EDIL3: variants seen among roughly 807,000 people sequenced by gnomAD.
The protein encoded by EDIL3 is EGF-like repeat and discoidin I-like domain-containing protein 3.
A neutral mutation model predicts 67.4 loss-of-function variants in EDIL3; 37 were observed. The observed-to-expected ratio is 0.55, with a 90% CI of 0.42 to 0.72. EDIL3 has a LOEUF of 0.72. EDIL3 is among the 30% of genes least tolerant of loss of function. EDIL3 has a pLI of 0.00. For synonymous variants in EDIL3, 195 were observed against 196.3 expected (o/e 0.99, Z 0.05); for missense variants, 527 against 586.3 (o/e 0.90, Z 1.04).
At chr5:84,133,347 G>A (rs570060896) in intron 5 of EDIL3, among the ~76,000 whole-genome samples, 14 of 151,620 alleles carry the variant, frequency 9.2e-5, no homozygotes, top group Admixed American at 1.3e-4. Flanking sequence ...GAGGGTCTGC[G>A]CGCAGTAGCT....
intron 9 of EDIL3, among the ~76,000 whole-genome samples, chr5:83,984,992 A>T (rs903676995): frequency 6.6e-6 from 1 of 151,780 alleles, no homozygotes; most frequent in African/African-American, 2.4e-5. Context: ...ATAAACATGC[A>T]CGCTGAACAA....
intron 10 of EDIL3, among the ~76,000 whole-genome samples, chr5:83,946,580 T>A (rs1744313583): frequency 6.6e-6 from 1 of 151,862 alleles, no homozygotes; most frequent in African/African-American, 2.4e-5. Context: ...GGAGAGAATA[T>A]CAGATAAAAT....
intron 2 of EDIL3, among the ~76,000 whole-genome samples, chr5:84,230,261 A>T (rs571838842): frequency 1.3e-5 from 2 of 152,284 alleles, no homozygotes; most frequent in South Asian, 4.1e-4. Flanking sequence ...GATTGTATAT[A>T]ACATAGAGCT....
chr5:83,967,926 T>C (rs955364794), intron 9 of EDIL3, among the ~76,000 whole-genome samples: 16 of 152,144 alleles, frequency 1.1e-4, no homozygotes, highest in African/African-American at 3.6e-4. Flanking sequence ...TTATTCTGAA[T>C]TGTGTATTTT....
intron 9 of EDIL3, among the ~76,000 whole-genome samples, chr5:83,997,963 G>A (rs911649432): frequency 3.3e-5 from 5 of 152,098 alleles, no homozygotes; most frequent in Non-Finnish European, 7.4e-5. Context: ...GAGGGAAATC[G>A]CCCATCCAGC....
rs1744250237 is a variant in EDIL3 at position 83,942,917 on chromosome 5, T to C, written c.*502A>G. The C allele has an allele frequency of 1.3e-5, 2 of 157,514 alleles. No homozygotes were observed. The highest frequency in any genetic ancestry group is 6.1e-5 in the Admixed American group (1 of 16,474). The allele number at this position is 157,514 out of a possible 1,614,324, so 9.8% of individuals were successfully genotyped here. ...TGTTACATATTCTTCTTTAAAATTT[T>C]GTAATAAACATTGACAGTGTTTGGT... On this transcript the variant is annotated 3_prime_UTR_variant, in exon 11 of 11. Transcript: ENST00000296591.
intron 3 of EDIL3, among the ~76,000 whole-genome samples, chr5:84,182,729 T>C (rs149378): frequency 0.45 from 69,009 of 151,852 alleles, 16,058 homozygotes; most frequent in East Asian, 0.73. Context: ...GGAAACAATG[T>C]GGCAACTGTA....
At chr5:83,959,081 T>C (rs1744562256) in intron 10 of EDIL3, among the ~76,000 whole-genome samples, 2 of 150,834 alleles carry the variant, frequency 1.3e-5, no homozygotes, top group South Asian at 4.2e-4. Context: ...ATTCAAAAAC[T>C]GACATCTCAA....
intron 1 of EDIL3, among the ~76,000 whole-genome samples, chr5:84,303,806 C>CTGTGTGTG (rs1268139374): frequency 2.0e-5 from 2 of 101,334 alleles, no homozygotes; most frequent in African/African-American, 6.8e-5. Context: ...CTCTCTCTCT[C>CTGTGTGTG]TCTGTGTGTG....
chr5:84,223,395 GATTA>G (rs78657576), intron 3 of EDIL3, among the ~76,000 whole-genome samples: 2,046 of 151,662 alleles, frequency 0.013, 54 homozygotes, highest in African/African-American at 0.044. Flanking sequence ...AGTGTCCATT[GATTA>G]ATTAATAGAT....
chr5:84,208,205 AAAAC>A (rs1744027782), intron 3 of EDIL3, among the ~76,000 whole-genome samples: 1 of 152,190 alleles, frequency 6.6e-6, no homozygotes, highest in African/African-American at 2.4e-5. Flanking sequence ...TTACAAGAAG[AAAAC>A]AAACAACCCC....
rs1554041200 is a variant in EDIL3, at chr5:84,305,914, A to ATAG, written c.68-51703_68-51702insCTA. Among the ~76,000 whole-genome samples, 143 of 147,406 alleles carry ATAG rather than the reference A, an allele frequency of 9.7e-4. 2 individuals carry two copies. Among genetic ancestry groups the ATAG allele is most frequent in the South Asian group, 3.1e-3 (15 of 4,810 alleles). On this transcript the variant is annotated intron_variant, in intron 1 of 10. Transcript: ENST00000296591. ...AAATAAATAAATAAATAAATAAATA[A>ATAG]ATAAATAGATAGATAAATAAATAAA...
intron 4 of EDIL3, 92 bp downstream of exon 4, chr5:84,180,301 G>T (rs1201762954): frequency 2.1e-6 from 3 of 1,396,010 alleles, no homozygotes; most frequent in East Asian, 2.5e-5. Context: ...TCTGCTCTCA[G>T]ATTCTATGAT....
chr5:84,371,017 CAG>C (rs1747832106), intron 1 of EDIL3, among the ~76,000 whole-genome samples: 1 of 151,888 alleles, frequency 6.6e-6, no homozygotes, highest in African/African-American at 2.4e-5. Flanking sequence ...CATTAAGGAA[CAG>C]AGATATTCTT....
chr5:84,284,919 T>C (rs973138602), intron 1 of EDIL3, among the ~76,000 whole-genome samples: 19 of 152,296 alleles, frequency 1.2e-4, no homozygotes, highest in African/African-American at 4.6e-4. Flanking sequence ...GGGGAAAATC[T>C]ATAAAAACTA....
At chr5:84,185,794 T>C (rs1475644596) in intron 3 of EDIL3, among the ~76,000 whole-genome samples, 1 of 152,114 alleles carries the variant, frequency 6.6e-6, no homozygotes, top group Non-Finnish European at 1.5e-5. Flanking sequence ...TAACAGACCA[T>C]TAGAATGTGT....
chr5:84,221,297 A>T (rs1336208739), intron 3 of EDIL3, among the ~76,000 whole-genome samples: 2 of 152,144 alleles, frequency 1.3e-5, no homozygotes, highest in Non-Finnish European at 2.9e-5. Flanking sequence ...TAGATTATAC[A>T]ACTACATTCA....
chr5:84,346,287 T>C (rs975576305), intron 1 of EDIL3, among the ~76,000 whole-genome samples: 3 of 151,858 alleles, frequency 2.0e-5, no homozygotes, highest in African/African-American at 7.3e-5. Context: ...TTTTAAATAA[T>C]AAACATTTTA....
intron 9 of EDIL3, among the ~76,000 whole-genome samples, chr5:84,053,835 A>G (rs1746388604): frequency 6.6e-6 from 1 of 152,136 alleles, no homozygotes; most frequent in South Asian, 2.1e-4. Flanking sequence ...CAACCAAAAA[A>G]AGTCCAGGAC....
Sources: allele counts gnomAD v4.1 joint callset (sites outside exome capture counted in the v4.1 genomes callset), GRCh38; gene constraint gnomAD v4.1.1; transcripts MANE v1.5; gene names NCBI Gene and HGNC (gene_info 2026-07-23, HGNC 2026-07-21).